The following TTLL7 variants were observed in gnomAD, a reference collection of about 807,000 sequenced individuals.
The protein encoded by TTLL7 is tubulin polyglutamylase TTLL7.
A neutral mutation model predicts 120.2 loss-of-function variants in TTLL7; 53 were observed. The observed-to-expected ratio is 0.44, with a 90% confidence interval of 0.35 to 0.55. The LOEUF is 0.55. Among genes scored for constraint, TTLL7 ranks in the 20% least tolerant of loss-of-function variants. The probability of loss-of-function intolerance (pLI) is 0.00; values close to 1 mark genes in which losing one functional copy is unlikely to be tolerated. For synonymous variants in TTLL7, 353 were observed against 351.7 expected (o/e 1.00, Z -0.04); for missense variants, 803 against 1,054.7 (o/e 0.76, Z 3.31).
At chr1:83,947,776 A>T (rs1389208349) in intron 5 of TTLL7, 1 of 152,120 alleles carries the variant, frequency 6.6e-6, no homozygotes, top group Non-Finnish European at 1.5e-5. Flanking sequence ...GCTTCTTTAC[A>T]AATTATCACA....
chr1:83,989,661 T>C (rs1443997407), intron 1 of TTLL7, among the ~76,000 whole-genome samples: 1 of 152,230 alleles, frequency 6.6e-6, no homozygotes, highest in Non-Finnish European at 1.5e-5. Flanking sequence ...TGGTTCCCTA[T>C]GAATTTTCAA....
chr1:83,982,507 T>C (rs1652059003), intron 1 of TTLL7, among the ~76,000 whole-genome samples: 1 of 152,164 alleles, frequency 6.6e-6, no homozygotes, highest in African/African-American at 2.4e-5. Flanking sequence ...TACACCAATA[T>C]TGTTCTAGCT....
intron 10 of TTLL7, among the ~76,000 whole-genome samples, chr1:83,924,009 T>C (rs1219171299): frequency 6.6e-6 from 1 of 152,152 alleles, no homozygotes; most frequent in Non-Finnish European, 1.5e-5. Flanking sequence ...CTGTCTCACT[T>C]CCTCATCTTT....
chr1:83,906,001 C>G (rs1394712136), intron 17 of TTLL7, among the ~76,000 whole-genome samples: 1 of 151,970 alleles, frequency 6.6e-6, no homozygotes, highest in Admixed American at 6.6e-5. Context: ...TTTATAGAAG[C>G]AGGTTTAACA....
chr1:83,981,486 G>A (rs1042337783), intron 1 of TTLL7: 1 of 151,604 alleles, frequency 6.6e-6, no homozygotes, highest in African/African-American at 2.4e-5. Context: ...CAAACAAGAT[G>A]GCTTCAAAAT....
intron 1 of TTLL7, among the ~76,000 whole-genome samples, chr1:83,992,589 A>C (rs934209176): frequency 2.0e-5 from 3 of 152,096 alleles, no homozygotes; most frequent in African/African-American, 7.2e-5. Context: ...TCTGCATGCT[A>C]ATTCTGCCTT....
At chr1:83,958,208 T>A (rs7550413) in intron 1 of TTLL7, among the ~76,000 whole-genome samples, 73,861 of 151,908 alleles carry the variant, frequency 0.49, 18,833 homozygotes, top group Non-Finnish European at 0.57. Context: ...TTATCCTCAT[T>A]GATAATCGTT....
intron 7 of TTLL7, 136 bp downstream of exon 7, chr1:83,942,327 T>C (rs1648056384): frequency 1.6e-6 from 1 of 640,052 alleles, no homozygotes; most frequent in South Asian, 2.4e-5. Context: ...ATCTTATTTA[T>C]GTACACAATT....
intron 16 of TTLL7, among the ~76,000 whole-genome samples, chr1:83,907,071 AT>A (rs1440268983): frequency 6.6e-6 from 1 of 152,050 alleles, no homozygotes; most frequent in East Asian, 1.9e-4. Context: ...AGAATTTATC[AT>A]TTTTTAACCT....
rs1442511712 is a variant in TTLL7 at position 83,911,380 on chromosome 1, T to C, written c.1588-17A>G. ...ACACAGAGGCTAAAAAAGATGGAAA[T>C]GTGTTATTTTGTTAGAATTCTTAAA... On this transcript the variant is annotated splice_polypyrimidine_tract_variant and intron_variant, in intron 14 of 20. Transcript: ENST00000260505. 2 of 1,570,088 alleles carry C rather than the reference T, an allele frequency of 1.3e-6. No individual in the cohort carries two copies. Among genetic ancestry groups the C allele is most frequent in the Non-Finnish European group, 1.7e-6 (2 of 1,154,464 alleles).
intron 20 of TTLL7, 142 bp from the exon 21 acceptor site, chr1:83,870,224 C>T: frequency 1.4e-6 from 1 of 729,526 alleles, no homozygotes; most frequent in East Asian, 3.4e-5. Flanking sequence ...AAGATTTCCT[C>T]CTCCAGACTG....
intron 1 of TTLL7, among the ~76,000 whole-genome samples, chr1:83,987,021 A>T (rs1271950971): frequency 6.6e-6 from 1 of 152,190 alleles, no homozygotes; most frequent in African/African-American, 2.4e-5. Flanking sequence ...AAAAACCCTC[A>T]AAGTGAAGAA....
chr1:83,907,412 A>G, intron 16 of TTLL7, 44 bp downstream of exon 16: 1 of 1,570,656 alleles, frequency 6.4e-7, no homozygotes, highest in Admixed American at 1.7e-5. Context: ...TTGCCTGAGT[A>G]CAGAGCTCCC....
chr1:83,894,875 T>C (rs1020546456), intron 18 of TTLL7, among the ~76,000 whole-genome samples: 1 of 151,962 alleles, frequency 6.6e-6, no homozygotes, highest in Non-Finnish European at 1.5e-5. Context: ...TCAAGGAGCC[T>C]CCGCAAGAAG....
intron 3 of TTLL7, among the ~76,000 whole-genome samples, chr1:83,951,406 C>T (rs1456893380): frequency 6.6e-6 from 1 of 151,690 alleles, no homozygotes; most frequent in Non-Finnish European, 1.5e-5. Flanking sequence ...TATGTATACA[C>T]AAACCCATGA....
intron 1 of TTLL7, among the ~76,000 whole-genome samples, chr1:83,967,471 A>AG (rs1201868778): frequency 6.6e-6 from 1 of 152,086 alleles, no homozygotes; most frequent in African/African-American, 2.4e-5. Context: ...GGATTAGCTC[A>AG]GGGGGAAAGG....
intron 9 of TTLL7, 113 bp downstream of exon 9, chr1:83,933,495 C>T: frequency 3.6e-6 from 4 of 1,099,848 alleles, no homozygotes; most frequent in Non-Finnish European, 5.2e-6. Flanking sequence ...TTCCATTCAG[C>T]CTTCATTCTG....
At chr1:83,909,055 CTT>C (rs79076935) in intron 15 of TTLL7, among the ~76,000 whole-genome samples, 12 of 142,114 alleles carry the variant, frequency 8.4e-5, no homozygotes, top group Admixed American at 7.1e-5. Flanking sequence ...ACTGGTCAAT[CTT>C]TTTTTTTTTT....
In TTLL7 at chr1:83,988,665, A is replaced by G. The variant is rs151121831; in HGVS notation, c.-177+10266T>C. On this transcript the variant is annotated intron_variant, in intron 1 of 20. Coordinates refer to ENST00000260505, the MANE Select transcript of TTLL7 (RefSeq NM_024686.6). ...TGTTGAGCACTTTGTCATATTTGTTAGCCAGTTGTCCATCTTCTTTTGAGA... is the reference window on the plus strand; with the variant it reads ...TGTTGAGCACTTTGTCATATTTGTTGGCCAGTTGTCCATCTTCTTTTGAGA... Among the ~76,000 whole-genome samples the G allele has an allele frequency of 5.7e-4, 86 of 150,922 alleles. 1 individual carries two copies. The highest frequency in any genetic ancestry group is 2.7e-3 in the Admixed American group (41 of 15,178).
Sources: gnomAD v4.1 joint callset for allele counts (sites outside exome capture counted in the v4.1 genomes callset) on GRCh38, gnomAD v4.1.1 for gene constraint, MANE v1.5 for transcripts, NCBI Gene and HGNC (gene_info 2026-07-23, HGNC 2026-07-21) for gene names.